Variants in FOXN3 observed in about 807,000 individuals in gnomAD.
The protein encoded by FOXN3 is forkhead box N3.
FOXN3 carries 7 observed loss-of-function variants against 38.4 expected under a neutral mutation model. The observed-to-expected ratio is 0.18, with a 90% confidence interval of 0.10 to 0.34. The LOEUF is 0.34. Among genes scored for constraint, FOXN3 ranks in the 10% least tolerant of loss-of-function variants. The pLI is 1.00. For missense variants in FOXN3, 456 were observed against 613.4 expected (o/e 0.74, Z 2.71); for synonymous variants, 230 against 242.2 (o/e 0.95, Z 0.47).
At chr14:89,481,867 C>T (rs950535294) in intron 1 of FOXN3, among the ~76,000 whole-genome samples, 1 of 151,380 alleles carries the variant, frequency 6.6e-6, no homozygotes, top group South Asian at 2.1e-4. Flanking sequence ...ATATCATTTA[C>T]GGTCTAAACC....
intron 4 of FOXN3, chr14:89,230,625 A>T: frequency 4.3e-6 from 1 of 231,572 alleles, no homozygotes. Flanking sequence ...TATCATATTT[A>T]TTGTTTCTTG....
intron 4 of FOXN3, among the ~76,000 whole-genome samples, chr14:89,204,091 ACACACACAC>A (rs1566928488): frequency 6.9e-6 from 1 of 144,626 alleles, no homozygotes; most frequent in Non-Finnish European, 1.5e-5. Flanking sequence ...ACACACACAC[ACACACACAC>A]ACAACTACTA....
intron 1 of FOXN3, among the ~76,000 whole-genome samples, chr14:89,487,868 G>C (rs780438160): frequency 1.3e-5 from 2 of 152,056 alleles, no homozygotes; most frequent in Non-Finnish European, 2.9e-5. Flanking sequence ...CGAAAGGAAG[G>C]CATCATGAAG....
chr14:89,355,541 C>T (rs1164238205), intron 2 of FOXN3, among the ~76,000 whole-genome samples: 1 of 152,114 alleles, frequency 6.6e-6, no homozygotes, highest in Non-Finnish European at 1.5e-5. Flanking sequence ...CCAGCCTATA[C>T]TTTAAACATT....
intron 2 of FOXN3, among the ~76,000 whole-genome samples, chr14:89,410,514 G>A (rs1015475125): frequency 1.3e-5 from 2 of 152,216 alleles, no homozygotes; most frequent in African/African-American, 4.8e-5. Flanking sequence ...CTCAAAGTCA[G>A]ATCACAATTT....
chr14:89,232,925 C>T (rs1884861662), intron 4 of FOXN3, among the ~76,000 whole-genome samples: 1 of 152,200 alleles, frequency 6.6e-6, no homozygotes, highest in Non-Finnish European at 1.5e-5. Context: ...TTGAAAGCCA[C>T]ACAGCATTTC....
intron 2 of FOXN3, among the ~76,000 whole-genome samples, chr14:89,404,638 C>T (rs1891341786): frequency 6.6e-6 from 1 of 151,946 alleles, no homozygotes; most frequent in Non-Finnish European, 1.5e-5. Context: ...ATTTCTGGCC[C>T]CTCAGAGACC....
intron 1 of FOXN3, among the ~76,000 whole-genome samples, chr14:89,424,693 T>C (rs184387934): frequency 1.4e-5 from 2 of 143,986 alleles, no homozygotes; most frequent in African/African-American, 2.6e-5. Flanking sequence ...CCTGACAACA[T>C]AGGGAGATCT....
intron 1 of FOXN3, among the ~76,000 whole-genome samples, chr14:89,465,914 C>A (rs1253974145): frequency 1.3e-5 from 2 of 152,224 alleles, no homozygotes; most frequent in Non-Finnish European, 2.9e-5. Flanking sequence ...TTACATAAAA[C>A]AGTGTCCTTT....
intron 4 of FOXN3, among the ~76,000 whole-genome samples, chr14:89,215,663 A>G (rs1276718228): frequency 2.0e-5 from 3 of 152,196 alleles, no homozygotes; most frequent in Admixed American, 1.3e-4. Flanking sequence ...TTTGTTTTTC[A>G]TATGGCATGT....
At chr14:89,542,862 CA>C (rs1291393715) in intron 1 of FOXN3, among the ~76,000 whole-genome samples, 3 of 152,160 alleles carry the variant, frequency 2.0e-5, no homozygotes, top group African/African-American at 7.2e-5. Context: ...TGCATTTCAG[CA>C]GTGGCAAAGA....
At chr14:89,523,978 G>C (rs948825058) in intron 1 of FOXN3, among the ~76,000 whole-genome samples, 1 of 151,546 alleles carries the variant, frequency 6.6e-6, no homozygotes, top group Admixed American at 6.6e-5. Flanking sequence ...GGTGAGGCTG[G>C]TCTCGAACTC....
chr14:89,356,817 G>GA (rs1566965044), intron 2 of FOXN3, among the ~76,000 whole-genome samples: 3 of 152,056 alleles, frequency 2.0e-5, no homozygotes, highest in African/African-American at 7.2e-5. Flanking sequence ...TTATAGATGG[G>GA]AAAAAACACA....
chr14:89,348,872 T>C (rs1014916646), intron 3 of FOXN3, among the ~76,000 whole-genome samples: 2 of 152,206 alleles, frequency 1.3e-5, no homozygotes, highest in African/African-American at 4.8e-5. Context: ...AGAGCTCCTC[T>C]ATAATCCTTC....
At chr14:89,426,516 C>G (rs554688537) in intron 1 of FOXN3, among the ~76,000 whole-genome samples, 4 of 151,974 alleles carry the variant, frequency 2.6e-5, no homozygotes, top group Non-Finnish European at 5.9e-5. Flanking sequence ...AGCCACCATG[C>G]CCGGGCAGGA....
intron 2 of FOXN3, among the ~76,000 whole-genome samples, chr14:89,378,782 C>G (rs1321031325): frequency 6.6e-6 from 1 of 151,418 alleles, no homozygotes; most frequent in East Asian, 1.9e-4. Flanking sequence ...CCTCAGCTCA[C>G]TGCAACCTCT....
intron 4 of FOXN3, among the ~76,000 whole-genome samples, chr14:89,225,378 G>A (rs1694626772): frequency 6.6e-6 from 1 of 152,076 alleles, no homozygotes; most frequent in African/African-American, 2.4e-5. Flanking sequence ...GCTGAGGCAG[G>A]CGGATCACGA....
chr14:89,617,420 A>T (rs76588104), intron 1 of FOXN3, among the ~76,000 whole-genome samples: 5,596 of 152,302 alleles, frequency 0.037, 125 homozygotes, highest in Non-Finnish European at 0.052. Context: ...GCTGATTTTG[A>T]TTGTTTGCTT....
intron 2 of FOXN3, among the ~76,000 whole-genome samples, chr14:89,405,220 T>C (rs1394143230): frequency 1.3e-5 from 2 of 152,120 alleles, no homozygotes; most frequent in Non-Finnish European, 2.9e-5. Context: ...CACCGCAACC[T>C]CTGCCTCCCG....
Sources: gnomAD v4.1 joint callset for allele counts (sites outside exome capture counted in the v4.1 genomes callset) on GRCh38, gnomAD v4.1.1 for gene constraint, MANE v1.5 for transcripts, NCBI Gene and HGNC (gene_info 2026-07-23, HGNC 2026-07-21) for gene names.